The following AGBL1 variants were observed in gnomAD, a reference collection of about 807,000 sequenced individuals.
AGBL1 encodes AGBL carboxypeptidase 1, also known as cytosolic carboxypeptidase 4.
In AGBL1, 130 loss-of-function variants were observed where a neutral mutation model predicts 118.9. That is an observed-to-expected ratio of 1.09 (90% CI 0.95 to 1.26). AGBL1 has a LOEUF of 1.26. Among genes scored for constraint, AGBL1 ranks in the 50% most tolerant of loss-of-function variants. The pLI is 0.00. For synonymous variants in AGBL1, 555 were observed against 478.9 expected (o/e 1.16, Z -2.08); for missense variants, 1,584 against 1,298.1 (o/e 1.22, Z -3.38).
chr15:86,235,424 G>A (rs1047564689), intron 6 of AGBL1, among the ~76,000 whole-genome samples: 5 of 152,178 alleles, frequency 3.3e-5, no homozygotes, highest in Non-Finnish European at 7.3e-5. Context: ...AGGTTGATGA[G>A]TTCTAAATGT....
chr15:86,538,070 C>A (rs1236007686), intron 19 of AGBL1, among the ~76,000 whole-genome samples: 1 of 152,138 alleles, frequency 6.6e-6, no homozygotes. Flanking sequence ...CGTCCTTCAG[C>A]ATAAAGGGTC....
chr15:86,645,254 T>G (rs2085258750), intron 21 of AGBL1, among the ~76,000 whole-genome samples: 1 of 152,166 alleles, frequency 6.6e-6, no homozygotes, highest in African/African-American at 2.4e-5. Context: ...TAAAATAGTT[T>G]GGTAAAAGTA....
chr15:86,743,273 G>A (rs550335178), intron 22 of AGBL1, among the ~76,000 whole-genome samples: 6 of 152,006 alleles, frequency 3.9e-5, no homozygotes, highest in Admixed American at 2.0e-4. Context: ...CCCAACATTT[G>A]TTATAATGGA....
At chr15:86,984,861 A>G (rs2081266012) in intron 23 of AGBL1, among the ~76,000 whole-genome samples, 2 of 152,190 alleles carry the variant, frequency 1.3e-5, no homozygotes, top group Non-Finnish European at 2.9e-5. Flanking sequence ...AACCACCACT[A>G]CAATATATAC....
chr15:86,148,723 A>G (rs917695113), intron 3 of AGBL1, among the ~76,000 whole-genome samples: 6 of 152,208 alleles, frequency 3.9e-5, no homozygotes, highest in African/African-American at 1.4e-4. Flanking sequence ...ATCCAGGAGA[A>G]CTTCCCCAAC....
chr15:86,502,355 A>G (rs531107686), intron 18 of AGBL1, among the ~76,000 whole-genome samples: 2 of 151,612 alleles, frequency 1.3e-5, no homozygotes, highest in African/African-American at 2.4e-5. Flanking sequence ...GATTTTCTGT[A>G]TACAAGATTG....
chr15:86,666,555 A>G (rs80030762), intron 21 of AGBL1, among the ~76,000 whole-genome samples: 82 of 152,270 alleles, frequency 5.4e-4, no homozygotes, highest in African/African-American at 1.9e-3. Flanking sequence ...TTGCCAAATA[A>G]TAGGAAATAA....
chr15:86,824,543 T>C (rs111607837), intron 22 of AGBL1, among the ~76,000 whole-genome samples: 4 of 73,880 alleles, frequency 5.4e-5, no homozygotes, highest in African/African-American at 2.4e-4. Flanking sequence ...AAAATTCCTA[T>C]CAAAATCCCA....
intron 17 of AGBL1, among the ~76,000 whole-genome samples, chr15:86,385,271 T>G (rs1365486992): frequency 6.6e-6 from 1 of 152,226 alleles, no homozygotes; most frequent in Non-Finnish European, 1.5e-5. Context: ...CACCTTACAT[T>G]GCTTTTTAAA....
At chr15:86,157,828 T>A (rs182633820) in intron 4 of AGBL1, among the ~76,000 whole-genome samples, 62 of 152,288 alleles carry the variant, frequency 4.1e-4, no homozygotes, top group Admixed American at 3.5e-3. Flanking sequence ...CCAATGAGGA[T>A]GTTCACAGAG....
chr15:86,330,336 G>A (rs1325571094), intron 17 of AGBL1, among the ~76,000 whole-genome samples: 2 of 152,204 alleles, frequency 1.3e-5, no homozygotes, highest in Non-Finnish European at 2.9e-5. Flanking sequence ...GCCGACAGAT[G>A]TGCATAATAG....
At chr15:86,189,791 G>A (rs1264083760) in intron 5 of AGBL1, among the ~76,000 whole-genome samples, 2 of 152,154 alleles carry the variant, frequency 1.3e-5, no homozygotes, top group East Asian at 3.8e-4. Context: ...AAATTACCCA[G>A]TCTCACGTCT....
intron 23 of AGBL1, among the ~76,000 whole-genome samples, chr15:86,934,343 C>T (rs986407182): frequency 6.6e-6 from 1 of 152,214 alleles, no homozygotes; most frequent in Admixed American, 6.5e-5. Flanking sequence ...AAAGGTCTAA[C>T]AGCTCCCTAT....
At chr15:86,864,134 G>A (rs2079594817) in intron 22 of AGBL1, among the ~76,000 whole-genome samples, 1 of 152,154 alleles carries the variant, frequency 6.6e-6, no homozygotes, top group South Asian at 2.1e-4. Flanking sequence ...GCTGCCAGAG[G>A]CTCTTTCTCT....
At chr15:86,224,732 G>A (rs757028990) in intron 5 of AGBL1, among the ~76,000 whole-genome samples, 182 bp from the exon 6 acceptor site, 4 of 152,120 alleles carry the variant, frequency 2.6e-5, no homozygotes, top group African/African-American at 7.2e-5. Context: ...CGGACACTTC[G>A]CTCAGCGTTA....
chr15:86,763,203 T>A (rs2078050693), intron 22 of AGBL1, among the ~76,000 whole-genome samples: 1 of 152,020 alleles, frequency 6.6e-6, no homozygotes, highest in African/African-American at 2.4e-5. Flanking sequence ...TAGATATGTA[T>A]TGACTGTAAG....
chr15:86,388,922 C>T (rs1270768382), intron 17 of AGBL1, among the ~76,000 whole-genome samples: 3 of 152,198 alleles, frequency 2.0e-5, no homozygotes, highest in Non-Finnish European at 4.4e-5. Context: ...CAATCCCACA[C>T]ATTTGAACAG....
At chr15:86,635,541 T>G (rs2085069057) in intron 21 of AGBL1, among the ~76,000 whole-genome samples, 1 of 151,802 alleles carries the variant, frequency 6.6e-6, no homozygotes, top group African/African-American at 2.4e-5. Flanking sequence ...ACAAGTGATA[T>G]TCCTGCCAGG....
chr15:86,412,561 G>T (rs1431243), intron 18 of AGBL1, among the ~76,000 whole-genome samples: 10 of 151,998 alleles, frequency 6.6e-5, no homozygotes, highest in Middle Eastern at 3.4e-3. Context: ...AGTGTGGAAG[G>T]ATGAGGTGCA....
Sources: gnomAD v4.1 joint callset for allele counts (sites outside exome capture counted in the v4.1 genomes callset) on GRCh38, gnomAD v4.1.1 for gene constraint, MANE v1.5 for transcripts, NCBI Gene and HGNC (gene_info 2026-07-23, HGNC 2026-07-21) for gene names.